Variants in CCDC18 observed in about 807,000 individuals in gnomAD.
CCDC18 encodes coiled-coil domain-containing protein 18.
A neutral mutation model predicts 196.0 loss-of-function variants in CCDC18; 157 were observed. The ratio of observed to expected loss-of-function variants is 0.80; its 90% CI spans 0.70 to 0.91. The LOEUF is 0.91. Among genes scored for constraint, CCDC18 ranks in the 40% least tolerant of loss-of-function variants. The pLI, the probability that CCDC18 is intolerant of heterozygous loss-of-function variation, is 0.00. For missense variants in CCDC18, 1,465 were observed against 1,611.6 expected (o/e 0.91, Z 1.56); for synonymous variants, 482 against 529.2 (o/e 0.91, Z 1.22).
At chr1:93,228,876 A>G (rs1016586644) in intron 17 of CCDC18, among the ~76,000 whole-genome samples, 4 of 152,160 alleles carry the variant, frequency 2.6e-5, no homozygotes, top group African/African-American at 7.2e-5. Context: ...ACAACATCAG[A>G]GACTAGGGTG....
At chr1:93,263,079 C>T (rs1007366620) in intron 26 of CCDC18, among the ~76,000 whole-genome samples, 1 of 152,014 alleles carries the variant, frequency 6.6e-6, no homozygotes, top group African/African-American at 2.4e-5. Flanking sequence ...CAGGTCACCC[C>T]GTCTTGAGGC....
intron 11 of CCDC18, 120 bp from the exon 12 acceptor site, chr1:93,214,623 C>G: frequency 1.6e-6 from 1 of 619,456 alleles, no homozygotes; most frequent in Non-Finnish European, 2.8e-6. Context: ...ATTCTCTGTC[C>G]CTTTTAGTAC....
At chr1:93,222,801 T>C (rs1657656029) in intron 16 of CCDC18, among the ~76,000 whole-genome samples, 1 of 152,238 alleles carries the variant, frequency 6.6e-6, no homozygotes, top group African/African-American at 2.4e-5. Flanking sequence ...AACTGCTATA[T>C]ATTTAGTATT....
chr1:93,216,661 T>C lies in CCDC18; in HGVS notation c.1745T>C (p.Leu582Ser). 6.4e-7 allele frequency: 1 copy of C among 1,569,724 alleles called. No homozygotes were observed. Among genetic ancestry groups the C allele is most frequent in the Non-Finnish European group, 8.6e-7 (1 of 1,158,466 alleles). ...SEMTKKCSQL[L>S]TLEKQLEEKI... ...ATGACAAAGAAATGTTCTCAACTTTTAACTCTTGAGAAACAGCTGGAAGAA... is the reference window on the plus strand; with the variant it reads ...ATGACAAAGAAATGTTCTCAACTTTCAACTCTTGAGAAACAGCTGGAAGAA... Residue 582 changes from leucine to serine, a missense_variant, in exon 13 of 29, where the codon TTA (leucine) becomes TCA (serine). Transcript: ENST00000690025.
intron 5 of CCDC18, among the ~76,000 whole-genome samples, chr1:93,193,329 CTTTA>C (rs1158725368): frequency 6.6e-6 from 1 of 152,050 alleles, no homozygotes; most frequent in Non-Finnish European, 1.5e-5. Flanking sequence ...TAACAGTCAT[CTTTA>C]TTTAGTTTCT....
chr1:93,192,183 C>A, intron 5 of CCDC18, 77 bp downstream of exon 5: 6 of 956,316 alleles, frequency 6.3e-6, no homozygotes, highest in Non-Finnish European at 9.7e-6. Context: ...AATCTTGTTC[C>A]CCACACCCAA....
intron 28 of CCDC18, chr1:93,271,101 GAAAA>G (rs377663606): frequency 5.1e-6 from 5 of 983,728 alleles, no homozygotes; most frequent in Non-Finnish European, 6.0e-6. Context: ...TTAAAAAACT[GAAAA>G]AAAGAAAAAT....
At chr1:93,183,238 A>G (rs1438506097) in intron 1 of CCDC18, 122 bp from the exon 2 acceptor site, 2 of 675,058 alleles carry the variant, frequency 3.0e-6, no homozygotes, top group Non-Finnish European at 4.6e-6. Flanking sequence ...TTAAACCACC[A>G]TGAAAGATTT....
intron 9 of CCDC18, among the ~76,000 whole-genome samples, 182 bp downstream of exon 9, chr1:93,207,580 C>T (rs945954795): frequency 6.6e-6 from 1 of 152,018 alleles, no homozygotes; most frequent in African/African-American, 2.4e-5. Context: ...ACACTTTTCC[C>T]CAGTTTCTCA....
upstream of CCDC18, chr1:93,179,955 C>A (rs552434837): frequency 7.5e-7 from 1 of 1,337,436 alleles, no homozygotes; most frequent in South Asian, 1.4e-5. Context: ...CGCCTCTTCA[C>A]CACCAGGGCC....
At chr1:93,266,910 T>C (rs868576261) in intron 27 of CCDC18, among the ~76,000 whole-genome samples, 2 of 152,104 alleles carry the variant, frequency 1.3e-5, no homozygotes, top group East Asian at 1.9e-4. Flanking sequence ...TTCTAATCAA[T>C]AGAAAAAGAG....
At chr1:93,222,227 C>T (rs1258851654) in intron 16 of CCDC18, among the ~76,000 whole-genome samples, 3 of 151,694 alleles carry the variant, frequency 2.0e-5, no homozygotes, top group East Asian at 1.9e-4. Context: ...TCAGAGCTGA[C>T]GATTTGATCT....
chr1:93,215,067 A>G, intron 12 of CCDC18, 101 bp downstream of exon 12: 1 of 678,082 alleles, frequency 1.5e-6, no homozygotes, highest in Non-Finnish European at 2.3e-6. Flanking sequence ...ATCCAGATTT[A>G]AAGTTTTTAA....
chr1:93,231,546 T>A (rs1205068776), intron 17 of CCDC18, among the ~76,000 whole-genome samples: 1 of 152,124 alleles, frequency 6.6e-6, no homozygotes, highest in Admixed American at 6.5e-5. Context: ...ATAAAATATA[T>A]TTTAAATTAT....
At chr1:93,266,883 C>T (rs1445846311) in intron 27 of CCDC18, among the ~76,000 whole-genome samples, 1 of 152,182 alleles carries the variant, frequency 6.6e-6, no homozygotes, top group Non-Finnish European at 1.5e-5. Flanking sequence ...GAGCTGGTAC[C>T]ATTCCTTCTG....
chr1:93,211,329 G>A (rs1186929053), intron 10 of CCDC18, among the ~76,000 whole-genome samples: 3 of 149,356 alleles, frequency 2.0e-5, no homozygotes, highest in African/African-American at 7.4e-5. Context: ...ATACAGAAAA[G>A]CTCAGAGAAT....
chr1:93,258,987 T>C (rs1663417043), intron 26 of CCDC18, 102 bp downstream of exon 26: 1 of 887,684 alleles, frequency 1.1e-6, no homozygotes, highest in East Asian at 3.1e-5. Context: ...TATTGAATAA[T>C]ACATTGTGGT....
At chr1:93,245,338 C>G (rs979016874) in intron 21 of CCDC18, among the ~76,000 whole-genome samples, 1 of 152,064 alleles carries the variant, frequency 6.6e-6, no homozygotes, top group Non-Finnish European at 1.5e-5. Context: ...CCTCTTGAGA[C>G]TTTTAGAAGA....
chr1:93,268,498 C>T (rs554684283), intron 27 of CCDC18, among the ~76,000 whole-genome samples: 1 of 152,178 alleles, frequency 6.6e-6, no homozygotes, highest in Non-Finnish European at 1.5e-5. Flanking sequence ...AGGCAACCTA[C>T]AGAATGGGAG....
Sources: gnomAD v4.1 joint callset for allele counts (sites outside exome capture counted in the v4.1 genomes callset) on GRCh38, gnomAD v4.1.1 for gene constraint, MANE v1.5 for transcripts, NCBI Gene and HGNC (gene_info 2026-07-23, HGNC 2026-07-21) for gene names.